The following UBE2QL1 variants were observed in gnomAD, a reference collection of about 807,000 sequenced individuals.
UBE2QL1 encodes the protein ubiquitin-conjugating enzyme E2Q-like protein 1.
Under a neutral mutation model 12.6 loss-of-function variants are expected in UBE2QL1, and 5 were observed. That is an observed-to-expected ratio of 0.40 (90% CI 0.21 to 0.83). The LOEUF is 0.83. Among genes scored for constraint, UBE2QL1 ranks in the 40% least tolerant of loss-of-function variants. UBE2QL1 has a pLI of 0.37. For missense variants in UBE2QL1, 99 were observed against 222.6 expected (o/e 0.44, Z 3.53); for synonymous variants, 96 against 94.5 (o/e 1.02, Z -0.10).
At position 6,460,861 on chromosome 5, in the gene UBE2QL1, A is replaced by G. The variant is rs140233902; in HGVS notation, c.354+11614A>G. Among the ~76,000 whole-genome samples the G allele has an allele frequency of 4.1e-3, 625 of 152,326 alleles. 5 individuals are homozygous for G. The highest frequency in any genetic ancestry group is 0.015 in the African/African-American group (603 of 41,576). On this transcript the variant is annotated intron_variant, in intron 1 of 1. Transcript: ENST00000399816. The stretch of plus-strand genomic sequence containing the variant: ...ATGTTGTTGATATTCATTCTTTGTT[A>G]CAGAATGCAATGCCCACTTGAAAAC...
In UBE2QL1 at chr5:6,479,530, G is replaced by A. The variant is rs1734316269; in HGVS notation, c.355-11688G>A. ...GGAGTAAAATGTTGAAGCAAATGAA[G>A]AGGTGCTGATGTCTGTATCCTCCGG... On this transcript the variant is annotated intron_variant, in intron 1 of 1. Coordinates refer to ENST00000399816, the MANE Select transcript of UBE2QL1 (RefSeq NM_001145161.3). This position sits in a 1 kb window ranked among gnomAD's most constrained non-coding sequence, Gnocchi z 4.2. Among the ~76,000 whole-genome samples the A allele has an allele frequency of 6.6e-6, 1 of 152,180 alleles. No homozygotes were observed. Among genetic ancestry groups the A allele is most frequent in the Admixed American group, 6.5e-5 (1 of 15,278 alleles).
rs1734661719 is a variant in UBE2QL1 at position 6,496,141 on chromosome 5, A to G, written c.*4792A>G. Among the ~76,000 whole-genome samples the G allele has an allele frequency of 6.6e-6, 1 of 152,204 alleles. No individual in the cohort carries two copies. Among genetic ancestry groups the G allele is most frequent in the Admixed American group, 6.5e-5 (1 of 15,284 alleles). On this transcript the variant is annotated 3_prime_UTR_variant, in exon 2 of 2. Coordinates refer to ENST00000399816, the MANE Select transcript of UBE2QL1 (RefSeq NM_001145161.3). Reference sequence around the variant, plus strand: ...CGTCCTCCCAGGTCAGTAAGGCCGCATGGAGGGATAAAGAGATCCCTGCAC... The same window carrying G: ...CGTCCTCCCAGGTCAGTAAGGCCGCGTGGAGGGATAAAGAGATCCCTGCAC...
At chr5:6,483,584 C>T (rs765934978) in intron 1 of UBE2QL1, among the ~76,000 whole-genome samples, 3 of 152,208 alleles carry the variant, frequency 2.0e-5, no homozygotes, top group Non-Finnish European at 2.9e-5. Flanking sequence ...GGACTCTGCT[C>T]GCCTCTCCTG....
chr5:6,471,530 A>C (rs1739912291), intron 1 of UBE2QL1, among the ~76,000 whole-genome samples: 1 of 152,218 alleles, frequency 6.6e-6, no homozygotes, highest in Admixed American at 6.5e-5. Flanking sequence ...AGCTCACAGC[A>C]TGGCAGCTGG....
chr5:6,491,528 C>T lies in UBE2QL1; in HGVS notation c.*179C>T, dbSNP rs548378859. Reference sequence around the variant, plus strand: ...TGTGTGTACAGAGAGGAAGAGGGAGCAAATGCCGTTCGGATTATGTTTCGA... The same window carrying T: ...TGTGTGTACAGAGAGGAAGAGGGAGTAAATGCCGTTCGGATTATGTTTCGA... On this transcript the variant is annotated 3_prime_UTR_variant, in exon 2 of 2. Coordinates refer to ENST00000399816, the MANE Select transcript of UBE2QL1 (RefSeq NM_001145161.3). 2.6e-4 allele frequency: 191 copies of T among 737,372 alleles called. No homozygotes were observed. Among genetic ancestry groups the T allele is most frequent in the South Asian group, 3.5e-4 (10 of 28,538 alleles). 45.7% of individuals were successfully genotyped at this position (737,372 alleles called of 1,614,324 possible). A position where few individuals can be genotyped will look rare whatever the true frequency, so the allele number is the denominator to read the frequency against.
chr5:6,479,393 T>C lies in UBE2QL1; in HGVS notation c.355-11825T>C, dbSNP rs1167287771. On this transcript the variant is annotated intron_variant, in intron 1 of 1. Transcript: ENST00000399816. The surrounding 1 kb of genome is among the most constrained non-coding windows in gnomAD (Gnocchi z 4.2). The stretch of plus-strand genomic sequence containing the variant: ...CCATTGTTTCTTGCAGGTCACTCAC[T>C]GAGCGTAGGAGCAGACAGAGCTGAC... Among the ~76,000 whole-genome samples, 1 of 152,102 alleles carries C rather than the reference T, an allele frequency of 6.6e-6. No homozygotes were observed. Among genetic ancestry groups the C allele is most frequent in the Admixed American group, 6.5e-5 (1 of 15,274 alleles).
chr5:6,471,944 T>A (rs1286593602), intron 1 of UBE2QL1, among the ~76,000 whole-genome samples: 1 of 152,170 alleles, frequency 6.6e-6, no homozygotes, highest in African/African-American at 2.4e-5. Context: ...AGGGAGAGGT[T>A]AATGATATCC....
chr5:6,471,711 C>A (rs76210774), intron 1 of UBE2QL1, among the ~76,000 whole-genome samples: 267 of 152,304 alleles, frequency 1.8e-3, no homozygotes, highest in African/African-American at 6.2e-3. Flanking sequence ...AGGGAGTGAA[C>A]GCCAGGAATC....
intron 1 of UBE2QL1, among the ~76,000 whole-genome samples, chr5:6,482,144 G>C (rs547387978): frequency 1.3e-5 from 2 of 152,208 alleles, no homozygotes; most frequent in South Asian, 4.1e-4. Context: ...GCAGAGATTA[G>C]AGCGCTGTGC....
At chr5:6,451,803 A>T (rs1739417819) in intron 1 of UBE2QL1, among the ~76,000 whole-genome samples, 1 of 152,198 alleles carries the variant, frequency 6.6e-6, no homozygotes, top group Non-Finnish European at 1.5e-5. Flanking sequence ...TTGTCTCTTT[A>T]TGTACTTTTG....
chr5:6,491,386 C>A lies in UBE2QL1; in HGVS notation c.*37C>A. ...TGCAGTAGACGCTCGAGCGCCTGTC[C>A]ACACACACACCAGTACCCTGACATC... On this transcript the variant is annotated 3_prime_UTR_variant, in exon 2 of 2. Coordinates refer to ENST00000399816, the MANE Select transcript of UBE2QL1 (RefSeq NM_001145161.3). 1 of 1,520,720 alleles carries A rather than the reference C, an allele frequency of 6.6e-7. No homozygotes were observed. The highest frequency in any genetic ancestry group is 8.8e-7 in the Non-Finnish European group (1 of 1,132,752). 94.2% of individuals were successfully genotyped at this position (1,520,720 alleles called of 1,614,324 possible).
chr5:6,461,315 C>T (rs1326643489), intron 1 of UBE2QL1, among the ~76,000 whole-genome samples: 1 of 152,102 alleles, frequency 6.6e-6, no homozygotes, highest in Non-Finnish European at 1.5e-5. Flanking sequence ...AAGAGACTGA[C>T]CAGCTATCTC....
intron 1 of UBE2QL1, among the ~76,000 whole-genome samples, chr5:6,474,649 T>C (rs1560933536): frequency 6.6e-6 from 1 of 152,224 alleles, no homozygotes; most frequent in Non-Finnish European, 1.5e-5. Context: ...TCTTTGGAAT[T>C]CTAACTGTGG....
Position 6,476,369 on chromosome 5 carries a change from G to A in UBE2QL1, c.355-14849G>A, listed in dbSNP as rs1271052789. On this transcript the variant is annotated intron_variant, in intron 1 of 1. Coordinates refer to ENST00000399816, the MANE Select transcript of UBE2QL1 (RefSeq NM_001145161.3). This position sits in a 1 kb window ranked among gnomAD's most constrained non-coding sequence, Gnocchi z 4.9. ...GTGTTTGGTTGTTAAAAGTTTTTCA[G>A]CACTTAAAGGTCTAATTTTCCCACG... is the stretch of plus-strand genomic sequence containing the variant. 6.6e-6 allele frequency among the ~76,000 whole-genome samples: 1 copy of A among 152,218 alleles called. No homozygotes were observed. The highest frequency in any genetic ancestry group is 1.5e-5 in the Non-Finnish European group (1 of 68,042).
At chr5:6,455,134 A>G (rs2126323755) in intron 1 of UBE2QL1, among the ~76,000 whole-genome samples, 1 of 152,186 alleles carries the variant, frequency 6.6e-6, no homozygotes, top group South Asian at 2.1e-4. Flanking sequence ...GATTTCCCTT[A>G]AGCGATGGGG....
chr5:6,459,394 A>G (rs1739603161), intron 1 of UBE2QL1, among the ~76,000 whole-genome samples: 1 of 152,222 alleles, frequency 6.6e-6, no homozygotes, highest in African/African-American at 2.4e-5. Flanking sequence ...TAAGAGAGAT[A>G]GAGGGCTCTT....
intron 1 of UBE2QL1, among the ~76,000 whole-genome samples, chr5:6,480,685 C>A (rs182433773): frequency 7.8e-4 from 119 of 152,318 alleles, no homozygotes; most frequent in Non-Finnish European, 1.2e-3. Context: ...GAGGCAAGTG[C>A]TGCTTCTGTT....
chr5:6,458,968 G>A (rs1373324044), intron 1 of UBE2QL1, among the ~76,000 whole-genome samples: 1 of 144,370 alleles, frequency 6.9e-6, no homozygotes, highest in Non-Finnish European at 1.5e-5. Flanking sequence ...TCTCGGGTGG[G>A]AGCCTTCCTC....
In UBE2QL1 at chr5:6,492,398, G is replaced by C. The variant is rs571820403; in HGVS notation, c.*1049G>C. 2.6e-5 allele frequency: 4 copies of C among 151,106 alleles called. No individual in the cohort carries two copies. The highest frequency in any genetic ancestry group is 4.9e-5 in the African/African-American group (2 of 40,480). 9.4% of individuals were successfully genotyped at this position (151,106 alleles called of 1,614,324 possible). A position where few individuals can be genotyped will look rare whatever the true frequency, so the allele number is the denominator to read the frequency against. ...GAAATTGGGATGGGTGAGCACCCTT[G>C]CTGTGGTGTAAACTTCCTGTTATTT... On this transcript the variant is annotated 3_prime_UTR_variant, in exon 2 of 2. Transcript: ENST00000399816.
Sources: gnomAD v4.1 joint callset for allele counts (sites outside exome capture counted in the v4.1 genomes callset) on GRCh38, gnomAD v4.1.1 for gene constraint, Gnocchi (gnomAD v3.1) non-coding constraint, MANE v1.5 for transcripts, NCBI Gene and HGNC (gene_info 2026-07-23, HGNC 2026-07-21) for gene names.